The following TNFRSF6B variants were observed in gnomAD, a reference collection of about 807,000 sequenced individuals.
TNFRSF6B encodes the protein tumor necrosis factor receptor superfamily member 6B.
TNFRSF6B carries 23 observed loss-of-function variants against 17.9 expected under a neutral mutation model. That is an observed-to-expected ratio of 1.28 (90% confidence interval 0.92 to 1.82). The LOEUF (loss-of-function observed/expected upper bound fraction) is 1.82. Ranked by LOEUF, TNFRSF6B falls within the 40% of genes most tolerant of loss-of-function variation. The pLI is 0.00. For synonymous variants in TNFRSF6B, 291 were observed against 195.8 expected, an observed-to-expected ratio of 1.49 and a Z score of -4.06; for missense variants, 555 against 437.2, an observed-to-expected ratio of 1.27 and a Z score of -2.40.
chr20:63,696,801 C>G lies in TNFRSF6B; in HGVS notation c.34C>G (p.Leu12Val). The G allele has an allele frequency of 6.2e-7, 1 of 1,606,632 alleles. No homozygotes were observed. Among genetic ancestry groups the G allele is most frequent in the Middle Eastern group, 1.7e-4 (1 of 6,034 alleles). The change falls in exon 1 of 3, where the codon CTG becomes GTG. Residue 12 changes from leucine to valine, a missense_variant. Transcript: ENST00000369996. ...RALEGPGLSLLCLVLALPALL... is the reference protein window; with the variant it reads ...RALEGPGLSLVCLVLALPALL... Reference sequence around the variant, plus strand: ...GCTGGAGGGGCCAGGCCTGTCGCTGCTGTGCCTGGTGTTGGCGCTGCCTGC... The same window carrying G: ...GCTGGAGGGGCCAGGCCTGTCGCTGGTGTGCCTGGTGTTGGCGCTGCCTGC...
Position 63,696,953 on chromosome 20 carries a change from C to G in TNFRSF6B, c.186C>G (p.Cys62Trp). ...CAGGCACCTTTGTGCAGCGGCCGTG[C>G]CGCCGAGACAGCCCCACGACGTGTG... is the stretch of plus-strand genomic sequence containing the variant. The part of the protein sequence containing the change: ...CPPGTFVQRP[C>W]RRDSPTTCGP... Residue 62 changes from cysteine (C) to tryptophan (W), a missense_variant, in exon 1 of 3, where the codon TGC becomes TGG. Transcript: ENST00000369996. 1 of 1,609,438 alleles carries G rather than the reference C, an allele frequency of 6.2e-7. No homozygotes were observed. Among genetic ancestry groups the G allele is most frequent in the Non-Finnish European group, 8.5e-7 (1 of 1,178,948 alleles).
chr20:63,696,704 C>A lies in TNFRSF6B; in HGVS notation c.-64C>A. ...ACCGGGGGCAAAGGAGGTGGCATGT[C>A]GGTCAGGCACAGCAGGGTCCTGTGT... On this transcript the variant is annotated 5_prime_UTR_variant, in exon 1 of 3. It introduces an in-frame stop codon into an upstream open reading frame of the 5' UTR. Coordinates refer to ENST00000369996, the MANE Select transcript of TNFRSF6B (RefSeq NM_003823.4). The A allele has an allele frequency of 1.4e-6, 2 of 1,439,620 alleles. No individual in the cohort carries two copies. The highest frequency in any genetic ancestry group is 1.4e-5 in the South Asian group (1 of 69,344). 89.2% of individuals were successfully genotyped at this position (1,439,620 alleles called of 1,614,324 possible). A position where few individuals can be genotyped will look rare whatever the true frequency, so the allele number is the denominator to read the frequency against.
chr20:63,698,656 G>A lies in TNFRSF6B; in HGVS notation c.*93G>A, dbSNP rs1601213849. 10 of 1,322,814 alleles carry A rather than the reference G, an allele frequency of 7.6e-6. No homozygotes were observed. In the East Asian group the frequency reaches 1.5e-4, roughly 20 times the overall value. 81.9% of individuals were successfully genotyped at this position (1,322,814 alleles called of 1,614,324 possible). A position where few individuals can be genotyped will look rare whatever the true frequency, so the allele number is the denominator to read the frequency against. On this transcript the variant is annotated 3_prime_UTR_variant, in exon 3 of 3. Transcript: ENST00000369996. ...AATAGAAGAAATGAGGTTTCTTAAA[G>A]CTTATTTTTATAAAGCTTTTTCATA...
chr20:63,697,976 C>G (rs1471428932), intron 2 of TNFRSF6B, among the ~76,000 whole-genome samples: 1 of 152,136 alleles, frequency 6.6e-6, no homozygotes, highest in East Asian at 1.9e-4. Flanking sequence ...TCTGCAGGTC[C>G]CAACTCGCCC....
chr20:63,697,224 A>C (rs1293756032), intron 1 of TNFRSF6B, 33 bp downstream of exon 1: 1 of 1,551,866 alleles, frequency 6.4e-7, no homozygotes, highest in Non-Finnish European at 8.7e-7. Flanking sequence ...GGCCCCCAGG[A>C]GTGGTGGCCG....
Position 63,697,337 on chromosome 20 carries a change from G to A in TNFRSF6B, c.434G>A (p.Ser145Asn), listed in dbSNP as rs2091004356. 1 of 1,611,498 alleles carries A rather than the reference G, an allele frequency of 6.2e-7. No individual in the cohort carries two copies. The highest frequency in any genetic ancestry group is 8.5e-7 in the Non-Finnish European group (1 of 1,179,520). The stretch of plus-strand genomic sequence containing the variant: ...TCCCTCCTGGCTGCAGGCACCCCCA[G>A]CCAGAACACGCAGTGCCAGCCGTGC... ...GAGVIAPGTP[S>N]QNTQCQPCPP... The change falls in exon 2 of 3, where the codon AGC becomes AAC. Residue 145 changes from serine to asparagine, a missense_variant. Transcript: ENST00000369996.
chr20:63,697,993 A>C (rs548409881), intron 2 of TNFRSF6B, among the ~76,000 whole-genome samples: 1 of 152,102 alleles, frequency 6.6e-6, no homozygotes, highest in African/African-American at 2.4e-5. Flanking sequence ...GCCCCTTCCG[A>C]TGGCCCAGGA....
In TNFRSF6B at chr20:63,696,994, G is replaced by A. The variant is rs371940556; in HGVS notation, c.227G>A (p.Arg76His). The A allele has an allele frequency of 3.3e-4, 529 of 1,607,958 alleles. No individual in the cohort carries two copies. The highest frequency in any genetic ancestry group is 4.3e-4 in the Non-Finnish European group (502 of 1,179,184). ...ACGACGTGTGGCCCGTGTCCACCGC[G>A]CCACTACACGCAGTTCTGGAACTAC... ...SPTTCGPCPP[R>H]HYTQFWNYLE... is the part of the protein sequence containing the mutation. The change falls in exon 1 of 3, where the codon CGC becomes CAC. Residue 76 changes from arginine to histidine, a missense_variant. Transcript: ENST00000369996.
intron 2 of TNFRSF6B, among the ~76,000 whole-genome samples, chr20:63,697,879 CAT>C (rs2091017779): frequency 6.6e-6 from 1 of 152,190 alleles, no homozygotes; most frequent in South Asian, 2.1e-4. Flanking sequence ...CCTCCTCTGA[CAT>C]GGGGAAACCG....
At chr20:63,698,023 G>GC (rs1026746014) in intron 2 of TNFRSF6B, among the ~76,000 whole-genome samples, 1 of 152,094 alleles carries the variant, frequency 6.6e-6, no homozygotes, top group African/African-American at 2.4e-5. Context: ...CCTTGCCTGG[G>GC]CCCCCTTGCC....
In TNFRSF6B at chr20:63,696,890, A is replaced by T. The variant is rs2090992722; in HGVS notation, c.123A>T (p.Ala41=). Residue 41 remains alanine (A), a synonymous_variant, in exon 1 of 3, where the codon GCA becomes GCT. Coordinates refer to ENST00000369996, the MANE Select transcript of TNFRSF6B (RefSeq NM_003823.4). ...AETPTYPWRD[A]ETGERLVCAQ... ...CACCCACCTACCCCTGGCGGGACGC[A>T]GAGACAGGGGAGCGGCTGGTGTGCG... 6.2e-7 allele frequency: 1 copy of T among 1,611,834 alleles called. No individual in the cohort carries two copies. The highest frequency in any genetic ancestry group is 1.1e-5 in the South Asian group (1 of 91,008).
rs199708029 is a variant in TNFRSF6B at position 63,697,052 on chromosome 20, C to T, written c.285C>T (p.Cys95=). The change falls in exon 1 of 3, where the codon TGC becomes TGT. Residue 95 remains cysteine, a synonymous_variant. Coordinates refer to ENST00000369996, the MANE Select transcript of TNFRSF6B (RefSeq NM_003823.4). ...GCTGCCGCTACTGCAACGTCCTCTG[C>T]GGGGAGCGTGAGGAGGAGGCACGGG... is the stretch of plus-strand genomic sequence containing the variant. ...LERCRYCNVL[C]GEREEEARAC... is the part of the protein sequence containing the mutation. 240 of 1,607,060 alleles carry T rather than the reference C, an allele frequency of 1.5e-4. 1 individual carries two copies. In the African/African-American group the frequency reaches 2.4e-3, roughly 16 times the overall value.
At position 63,697,493 on chromosome 20, in the gene TNFRSF6B, C is replaced by G; in HGVS notation, c.590C>G (p.Thr197Ser). ...SSHDTLCTSC[T>S]GFPLSTRVPG... ...CATGACACCCTGTGCACCAGCTGCA[C>G]TGGCTTCCCCCTCAGCACCAGGGTA... Residue 197 changes from threonine (T) to serine (S), a missense_variant, in exon 2 of 3, where the codon ACT becomes AGT. Coordinates refer to ENST00000369996, the MANE Select transcript of TNFRSF6B (RefSeq NM_003823.4). The G allele has an allele frequency of 6.4e-7, 1 of 1,562,398 alleles. No individual in the cohort carries two copies. The highest frequency in any genetic ancestry group is 8.7e-7 in the Non-Finnish European group (1 of 1,153,076).
chr20:63,698,215 C>T (rs1203095072), intron 2 of TNFRSF6B, 65 bp from the exon 3 acceptor site: 8 of 1,579,230 alleles, frequency 5.1e-6, no homozygotes, highest in East Asian at 2.3e-5. Flanking sequence ...AGCAGGGTAC[C>T]TGGCAGCCCC....
At position 63,698,271 on chromosome 20, in the gene TNFRSF6B, C is replaced by A; in HGVS notation, c.620-9C>A. Reference sequence around the variant, plus strand: ...ATGATCGGACCGCTGCCTCCCCACCCCACTGCAGGAGCTGAGGAGTGTGAG... The same window carrying A: ...ATGATCGGACCGCTGCCTCCCCACCACACTGCAGGAGCTGAGGAGTGTGAG... On this transcript the variant is annotated splice_polypyrimidine_tract_variant and intron_variant, in intron 2 of 2. Transcript: ENST00000369996. 3 of 1,609,734 alleles carry A rather than the reference C, an allele frequency of 1.9e-6. No homozygotes were observed. Among genetic ancestry groups the A allele is most frequent in the Non-Finnish European group, 2.5e-6 (3 of 1,178,734 alleles).
Position 63,696,812 on chromosome 20 carries a change from G to A in TNFRSF6B, c.45G>A (p.Val15=), listed in dbSNP as rs1343205498. 3.1e-6 allele frequency: 5 copies of A among 1,608,764 alleles called. No individual in the cohort carries two copies. The highest frequency in any genetic ancestry group is 1.3e-5 in the African/African-American group (1 of 74,890). The change falls in exon 1 of 3, where the codon GTG becomes GTA. Residue 15 remains valine (V), a synonymous_variant. Coordinates refer to ENST00000369996, the MANE Select transcript of TNFRSF6B (RefSeq NM_003823.4). ...EGPGLSLLCL[V]LALPALLPVP... is the part of the protein sequence containing the mutation. ...CAGGCCTGTCGCTGCTGTGCCTGGT[G>A]TTGGCGCTGCCTGCCCTGCTGCCGG...
At position 63,697,205 on chromosome 20, in the gene TNFRSF6B, G is replaced by A. The variant is rs766234433; in HGVS notation, c.424+14G>A. ...TGATTGCCCCGGGTGAGAGCTGGGC[G>A]AGGGGAGGGGCCCCCAGGAGTGGTG... On this transcript the variant is annotated intron_variant, in intron 1 of 2. Transcript: ENST00000369996. The A allele has an allele frequency of 3.9e-5, 61 of 1,553,304 alleles. No individual in the cohort carries two copies. The highest frequency in any genetic ancestry group is 8.2e-5 in the African/African-American group (6 of 73,438).
In TNFRSF6B at chr20:63,698,272, C is replaced by G. The variant is rs771206685; in HGVS notation, c.620-8C>G. The stretch of plus-strand genomic sequence containing the variant: ...TGATCGGACCGCTGCCTCCCCACCC[C>G]ACTGCAGGAGCTGAGGAGTGTGAGC... On this transcript the variant is annotated splice_region_variant and splice_polypyrimidine_tract_variant and intron_variant, in intron 2 of 2. Transcript: ENST00000369996. 1.2e-6 allele frequency: 2 copies of G among 1,609,788 alleles called. No homozygotes were observed. Among genetic ancestry groups the G allele is most frequent in the South Asian group, 2.2e-5 (2 of 90,930 alleles).
chr20:63,696,807 C>T lies in TNFRSF6B; in HGVS notation c.40C>T (p.Leu14=), dbSNP rs759554990. The T allele has an allele frequency of 5.6e-6, 9 of 1,608,122 alleles. No individual in the cohort carries two copies. The highest frequency in any genetic ancestry group is 7.6e-6 in the Non-Finnish European group (9 of 1,177,736). The stretch of plus-strand genomic sequence containing the variant: ...GGGGCCAGGCCTGTCGCTGCTGTGC[C>T]TGGTGTTGGCGCTGCCTGCCCTGCT... ...LEGPGLSLLC[L]VLALPALLPV... Residue 14 remains leucine (L), a synonymous_variant, in exon 1 of 3, where the codon CTG becomes TTG. Transcript: ENST00000369996.
Sources: allele counts gnomAD v4.1 joint callset (sites outside exome capture counted in the v4.1 genomes callset), GRCh38; gene constraint gnomAD v4.1.1; transcripts MANE v1.5; gene names NCBI Gene and HGNC (gene_info 2026-07-23, HGNC 2026-07-21).